The following LRRK2 variants were observed in gnomAD, a reference collection of about 807,000 sequenced individuals.
LRRK2 encodes the protein leucine-rich repeat serine/threonine-protein kinase 2.
LRRK2 carries 203 observed loss-of-function variants against 302.6 expected under a neutral mutation model. The ratio of observed to expected loss-of-function variants is 0.67; its 90% CI spans 0.60 to 0.75. The LOEUF (loss-of-function observed/expected upper bound fraction) is 0.75, where lower values mean the gene tolerates loss of function less well. Ranked by LOEUF, LRRK2 falls within the 30% of genes least tolerant of loss-of-function variation. The pLI is 0.00. For missense variants in LRRK2, 2,830 were observed against 2,951.0 expected, an observed-to-expected ratio of 0.96 and a Z score of 0.95; for synonymous variants, 1,066 against 1,031.9, an observed-to-expected ratio of 1.03 and a Z score of -0.63.
intron 46 of LRRK2, among the ~76,000 whole-genome samples, chr12:40,356,947 A>G (rs899703589): frequency 4.5e-4 from 68 of 152,324 alleles, no homozygotes; most frequent in African/African-American, 1.5e-3. Context: ...TGTGCTGAGA[A>G]CATTTCAAGT....
chr12:40,284,502 T>C (rs1369905798), intron 19 of LRRK2, among the ~76,000 whole-genome samples: 5 of 152,036 alleles, frequency 3.3e-5, no homozygotes, highest in South Asian at 4.1e-4. Flanking sequence ...TGGATATTTT[T>C]CCTAACTTTT....
At chr12:40,226,439 G>C (rs1010259969) in intron 2 of LRRK2, among the ~76,000 whole-genome samples, 2 of 152,176 alleles carry the variant, frequency 1.3e-5, no homozygotes, top group Non-Finnish European at 2.9e-5. Flanking sequence ...ATTGGACTTT[G>C]AACTCCTTGG....
At chr12:40,229,438 T>A (rs1941063010) in intron 2 of LRRK2, among the ~76,000 whole-genome samples, 1 of 152,178 alleles carries the variant, frequency 6.6e-6, no homozygotes, top group African/African-American at 2.4e-5. Context: ...TGTTTCTTCA[T>A]AAATGACAGT....
intron 40 of LRRK2, among the ~76,000 whole-genome samples, chr12:40,338,760 A>G (rs1565762931): frequency 6.6e-6 from 1 of 152,304 alleles, no homozygotes; most frequent in East Asian, 1.9e-4. Context: ...TGTTCTATAA[A>G]TATACTTAAA....
chr12:40,306,492 T>A (rs561425111), intron 28 of LRRK2, among the ~76,000 whole-genome samples: 1 of 152,210 alleles, frequency 6.6e-6, no homozygotes, highest in Non-Finnish European at 1.5e-5. Flanking sequence ...TCTTTACACT[T>A]TAAGCACTTT....
intron 20 of LRRK2, 86 bp from the exon 21 acceptor site, chr12:40,293,459 C>T: frequency 1.2e-6 from 1 of 830,636 alleles, no homozygotes; most frequent in Non-Finnish European, 2.0e-6. Context: ...GTCTAATCTT[C>T]CATGATTGAA....
intron 39 of LRRK2, among the ~76,000 whole-genome samples, chr12:40,334,424 C>G (rs897678010): frequency 6.6e-6 from 1 of 152,204 alleles, no homozygotes; most frequent in African/African-American, 2.4e-5. Context: ...CCCCAAAAAA[C>G]TGAACCACTG....
At chr12:40,242,550 C>A (rs986334307) in intron 6 of LRRK2, among the ~76,000 whole-genome samples, 3 of 151,682 alleles carry the variant, frequency 2.0e-5, no homozygotes, top group South Asian at 2.1e-4. Context: ...TATTTTGGAG[C>A]CTTCAGGAAG....
chr12:40,275,753 G>C (rs1056130910), intron 16 of LRRK2, among the ~76,000 whole-genome samples: 5 of 151,830 alleles, frequency 3.3e-5, no homozygotes, highest in Non-Finnish European at 2.9e-5. Context: ...TCAGACTACA[G>C]GCATGCACTC....
At chr12:40,336,372 ATTCT>A (rs1945870442) in intron 40 of LRRK2, among the ~76,000 whole-genome samples, 1 of 152,206 alleles carries the variant, frequency 6.6e-6, no homozygotes, top group Admixed American at 6.5e-5. Flanking sequence ...GCTGCCTAGG[ATTCT>A]TTATGTTTTC....
chr12:40,311,456 A>T (rs1451941585), intron 31 of LRRK2, among the ~76,000 whole-genome samples: 1 of 152,162 alleles, frequency 6.6e-6, no homozygotes, highest in Non-Finnish European at 1.5e-5. Flanking sequence ...TGACAAACAT[A>T]ATGATGAATT....
chr12:40,233,722 A>T (rs1352416714), intron 3 of LRRK2, among the ~76,000 whole-genome samples: 1 of 152,224 alleles, frequency 6.6e-6, no homozygotes, highest in Admixed American at 6.5e-5. Flanking sequence ...GCCAGTCTAT[A>T]ACCTCAGGGA....
At chr12:40,276,823 A>G (rs1012610548) in intron 16 of LRRK2, among the ~76,000 whole-genome samples, 1 of 152,026 alleles carries the variant, frequency 6.6e-6, no homozygotes, top group Admixed American at 6.5e-5. Flanking sequence ...TAATATTTAG[A>G]TGACGTAAGT....
Position 40,320,144 on chromosome 12 carries a change from A to G in LRRK2, c.4984A>G (p.Ile1662Val), listed in dbSNP as rs1251427730. 4 of 1,612,166 alleles carry G rather than the reference A, an allele frequency of 2.5e-6. No individual in the cohort carries two copies. The highest frequency in any genetic ancestry group is 3.3e-5 in the Admixed American group (2 of 59,836). Residue 1662 changes from isoleucine to valine, a missense_variant, in exon 34 of 51, where the codon ATA becomes GTA. Transcript: ENST00000298910. Reference protein sequence around the residue: ...LLEKFQIALPIGEEYLLVPSS... With the variant: ...LLEKFQIALPVGEEYLLVPSS... Reference sequence around the variant, plus strand: ...AGAAAAATTCCAGATTGCTTTGCCAATAGGAGAAGAATATTTGCTGGTTCC... The same window carrying G: ...AGAAAAATTCCAGATTGCTTTGCCAGTAGGAGAAGAATATTTGCTGGTTCC...
chr12:40,257,378 G>T lies in LRRK2; in HGVS notation c.1418+1G>T. ...TGCTAAATCATCTTTTTGAAGGAAG[G>T]TAATATAGATTCATTAACTTGTACA... is the stretch of plus-strand genomic sequence containing the variant. On this transcript the variant is annotated splice_donor_variant, in intron 12 of 50. Coordinates refer to ENST00000298910, the MANE Select transcript of LRRK2 (RefSeq NM_198578.4). LOFTEE classifies it high-confidence loss of function. 6.2e-7 allele frequency: 1 copy of T among 1,612,082 alleles called. No homozygotes were observed. Among genetic ancestry groups the T allele is most frequent in the Non-Finnish European group, 8.5e-7 (1 of 1,178,690 alleles).
chr12:40,257,206 A>C, intron 11 of LRRK2, 42 bp from the exon 12 acceptor site: 6 of 1,385,538 alleles, frequency 4.3e-6, no homozygotes, highest in Non-Finnish European at 6.1e-6. Context: ...AATTATGAAA[A>C]TATGCTTTCA....
At chr12:40,273,706 A>T (rs1350553112) in intron 14 of LRRK2, among the ~76,000 whole-genome samples, 1 of 152,170 alleles carries the variant, frequency 6.6e-6, no homozygotes, top group Non-Finnish European at 1.5e-5. Context: ...AAAATTCCTG[A>T]GAAGGATGGC....
intron 14 of LRRK2, among the ~76,000 whole-genome samples, chr12:40,271,697 T>A (rs57032064): frequency 1.7e-3 from 261 of 152,254 alleles, no homozygotes; most frequent in African/African-American, 5.5e-3. Context: ...ATGTAATACA[T>A]ATATGTATAT....
At position 40,274,968 on chromosome 12, in the gene LRRK2, A is replaced by G; in HGVS notation, c.1916A>G (p.Lys639Arg). ...CTGGTTTCCAGCTTATACCGATTTA[A>G]GGATGTTGCTGAAATACAGACTAAA... ...KILVSSLYRF[K>R]DVAEIQTKGF... The change falls in exon 16 of 51, where the codon AAG becomes AGG. Residue 639 changes from lysine (K) to arginine (R), a missense_variant. Around this residue, in one of 3 missense-constraint regions of LRRK2, gnomAD observed 2,121 missense variants for 2,148.0 expected, o/e 0.99. Transcript: ENST00000298910. 6.2e-7 allele frequency: 1 copy of G among 1,613,966 alleles called. No individual in the cohort carries two copies. Among genetic ancestry groups the G allele is most frequent in the Non-Finnish European group, 8.5e-7 (1 of 1,179,910 alleles).
Sources: gnomAD v4.1 joint callset for allele counts (sites outside exome capture counted in the v4.1 genomes callset) on GRCh38, gnomAD v4.1.1 for gene constraint, gnomAD v4.1.1 regional missense constraint, MANE v1.5 for transcripts, NCBI Gene and HGNC (gene_info 2026-07-23, HGNC 2026-07-21) for gene names.